LRRC37A2: variants seen among roughly 807,000 people sequenced by gnomAD.
The protein encoded by LRRC37A2 is leucine-rich repeat-containing protein 37A2.
Under a neutral mutation model 68.8 loss-of-function variants are expected in LRRC37A2, and 9 were observed. The observed-to-expected ratio is 0.13, with a 90% CI of 0.08 to 0.23. The LOEUF (loss-of-function observed/expected upper bound fraction) is 0.23, where lower values mean the gene tolerates loss of function less well. LRRC37A2 is among the 10% of genes least tolerant of loss of function. The pLI is 1.00. For synonymous variants in LRRC37A2, 63 were observed against 367.6 expected (o/e 0.17, Z 9.48); for missense variants, 168 against 950.4 (o/e 0.18, Z 10.82).
At chr17:46,768,241 A>G in the LRRC37A2 span, 1 of 1,602,100 alleles carries the variant, frequency 6.2e-7, no homozygotes, top group Admixed American at 1.7e-5. This position sits in a 1 kb window ranked among gnomAD's most constrained non-coding sequence, Gnocchi z 5.0. Context: ...CGTCAAGAAG[A>G]CGAGATGGGC....
the LRRC37A2 span, among the ~76,000 whole-genome samples, chr17:47,008,970 T>C: frequency 2.0e-5 from 3 of 152,196 alleles, no homozygotes; most frequent in Non-Finnish European, 4.4e-5. Flanking sequence ...ATAAGAAAAA[T>C]AAATTTCATG....
chr17:46,737,565 G>A, the LRRC37A2 span, among the ~76,000 whole-genome samples: 9 of 96,944 alleles, frequency 9.3e-5, no homozygotes, highest in African/African-American at 2.9e-4. Flanking sequence ...CACCTAGGGT[G>A]TGTGTGCGTG....
chr17:46,795,400 A>G, the LRRC37A2 span, among the ~76,000 whole-genome samples: 1 of 152,158 alleles, frequency 6.6e-6, no homozygotes, highest in Non-Finnish European at 1.5e-5. Flanking sequence ...GAGGTGGGGA[A>G]GAACAGAGGA....
chr17:46,750,125 G>C, the LRRC37A2 span, among the ~76,000 whole-genome samples: 3 of 152,210 alleles, frequency 2.0e-5, no homozygotes, highest in Admixed American at 6.5e-5. Context: ...GGACGGGGCA[G>C]GTGGATCACT....
chr17:46,598,496 T>C, the LRRC37A2 span, among the ~76,000 whole-genome samples: 1 of 152,230 alleles, frequency 6.6e-6, no homozygotes, highest in Non-Finnish European at 1.5e-5. Flanking sequence ...TGGATCTCTT[T>C]CTTCATAAGT....
At chr17:46,558,898 G>A (rs1411931486), downstream of LRRC37A2, 4 of 81,318 alleles carry the variant, frequency 4.9e-5, no homozygotes, top group Admixed American at 6.6e-4. Context: ...GGCTGGTTTT[G>A]AACTCCTGGC....
At chr17:46,902,199 C>T in the LRRC37A2 span, among the ~76,000 whole-genome samples, 7 of 152,184 alleles carry the variant, frequency 4.6e-5, no homozygotes, top group African/African-American at 1.4e-4. Flanking sequence ...TGCTGCCCTC[C>T]TGAAGCATCT....
In LRRC37A2 at chr17:46,550,417, C is replaced by CA; in HGVS notation, c.4713dup (p.Glu1572ArgfsTer9). ...TTTTTGTGTGTTTTTTTTTTTAGCT[C>CA]AAAAAAGAAGTTCCAGGATATGGCT... On this transcript the variant is annotated frameshift_variant, in exon 11 of 15. Coordinates refer to ENST00000576629, the Ensembl canonical transcript of LRRC37A2. LOFTEE classifies it high-confidence loss of function. The CA allele has an allele frequency of 1.4e-6, 1 of 730,934 alleles. No individual in the cohort carries two copies. The highest frequency in any genetic ancestry group is 2.0e-6 in the Non-Finnish European group (1 of 490,468). 45.3% of individuals were successfully genotyped at this position (730,934 alleles called of 1,614,324 possible). A position where few individuals can be genotyped will look rare whatever the true frequency, so the allele number is the denominator to read the frequency against.
At chr17:47,048,344 T>C in the LRRC37A2 span, among the ~76,000 whole-genome samples, 2 of 151,758 alleles carry the variant, frequency 1.3e-5, no homozygotes, top group Non-Finnish European at 2.9e-5. Flanking sequence ...AGTCAGAAGC[T>C]TTGGCTGATT....
the LRRC37A2 span, chr17:46,936,357 A>G: frequency 1.0e-6 from 1 of 985,148 alleles, no homozygotes; most frequent in Admixed American, 6.2e-5. Context: ...CTAACTTCCC[A>G]CTCAAGTCTG....
chr17:46,835,680 C>T, the LRRC37A2 span, among the ~76,000 whole-genome samples: 1 of 152,222 alleles, frequency 6.6e-6, no homozygotes, highest in Admixed American at 6.5e-5. Context: ...AAGATTTGTC[C>T]CCAAAGCTCA....
the LRRC37A2 span, among the ~76,000 whole-genome samples, chr17:46,405,686 C>A: frequency 1.5e-5 from 1 of 65,498 alleles, no homozygotes; most frequent in South Asian, 7.0e-4. Flanking sequence ...TGCAGTGAGC[C>A]GAGATCACGC....
chr17:46,907,684 A>AC, the LRRC37A2 span, among the ~76,000 whole-genome samples: 1 of 140,404 alleles, frequency 7.1e-6, no homozygotes, highest in African/African-American at 2.6e-5. Context: ...CAAAAAAAAA[A>AC]AAAACAAAAA....
At chr17:47,026,428 C>T in the LRRC37A2 span, among the ~76,000 whole-genome samples, 5 of 152,206 alleles carry the variant, frequency 3.3e-5, no homozygotes, top group African/African-American at 4.8e-5. Flanking sequence ...TGAGAGGGCA[C>T]GTTAGAACTC....
rs1418576670 is a variant in LRRC37A2, at chr17:46,544,804, G to A, written c.3054-1451G>A. The stretch of plus-strand genomic sequence containing the variant: ...CTCTTTTGCCCAAATTTACGTATTG[G>A]AAAAAATTCAAACAAGCCAGAAAGA... On this transcript the variant is annotated intron_variant, in intron 8 of 14. Transcript: ENST00000576629. Among the ~76,000 whole-genome samples the A allele has an allele frequency of 3.9e-4, 45 of 115,730 alleles. 2 individuals carry two copies. The highest frequency in any genetic ancestry group is 4.5e-4 in the African/African-American group (12 of 26,470). The allele number at this position is 115,730 out of a possible 152,430, so 75.9% of individuals were successfully genotyped here.
At chr17:46,516,289 C>T (rs2051299325) in intron 2 of LRRC37A2, among the ~76,000 whole-genome samples, 1 of 104,802 alleles carries the variant, frequency 9.5e-6, no homozygotes, top group Non-Finnish European at 2.2e-5. Flanking sequence ...GGCGACAGAG[C>T]AAGACTCCAT....
chr17:46,931,769 A>G, the LRRC37A2 span: 41 of 482,130 alleles, frequency 8.5e-5, no homozygotes, highest in South Asian at 5.3e-4. Flanking sequence ...AAGGTCAAGA[A>G]GAGGTCAGTG....
the LRRC37A2 span, chr17:47,027,446 G>A: frequency 1.7e-6 from 1 of 604,278 alleles, no homozygotes; most frequent in Admixed American, 2.7e-5. Flanking sequence ...CAAACGTTTA[G>A]AGTTGAGATA....
At chr17:47,005,211 T>C in the LRRC37A2 span, among the ~76,000 whole-genome samples, 1 of 152,370 alleles carries the variant, frequency 6.6e-6, no homozygotes, top group South Asian at 2.1e-4. Context: ...CTGCTCCTTA[T>C]AACTTTTTGT....
Sources: allele counts gnomAD v4.1 joint callset (sites outside exome capture counted in the v4.1 genomes callset), GRCh38; gene constraint gnomAD v4.1.1; non-coding constraint Gnocchi (gnomAD v3.1); transcripts MANE v1.5; gene names NCBI Gene and HGNC (gene_info 2026-07-23, HGNC 2026-07-21).